CACNA1B: variants seen among roughly 807,000 people sequenced by gnomAD.
CACNA1B encodes the protein voltage-dependent N-type calcium channel subunit alpha-1B.
Under a neutral mutation model 247.2 loss-of-function variants are expected in CACNA1B, and 70 were observed. The ratio of observed to expected loss-of-function variants is 0.28; its 90% CI spans 0.23 to 0.35. The LOEUF is 0.35. Among genes scored for constraint, CACNA1B ranks in the 10% least tolerant of loss-of-function variants. CACNA1B has a pLI of 1.00. For synonymous variants in CACNA1B, 1,231 were observed against 1,294.4 expected (o/e 0.95, Z 1.05); for missense variants, 2,367 against 3,197.4 (o/e 0.74, Z 6.26).
In CACNA1B at chr9:137,883,053, A is replaced by G. The variant is rs564691239; in HGVS notation, c.530+170A>G. On this transcript the variant is annotated intron_variant, in intron 3 of 46. Coordinates refer to ENST00000371372, the MANE Select transcript of CACNA1B (RefSeq NM_000718.4). ...CAGTCTGTTTGCCACCCTGTGTGCTATGGGGGTGCTTCTCCCAGGGGTGCC... is the reference window on the plus strand; with the variant it reads ...CAGTCTGTTTGCCACCCTGTGTGCTGTGGGGGTGCTTCTCCCAGGGGTGCC... 10 of 700,096 alleles carry G rather than the reference A, an allele frequency of 1.4e-5. No homozygotes were observed. The African/African-American group carries it at 1.8e-4, about 12-fold the overall frequency. The allele number at this position is 700,096 out of a possible 1,614,324, so 43.4% of individuals were successfully genotyped here.
intron 36 of CACNA1B, among the ~76,000 whole-genome samples, chr9:138,092,275 G>A (rs190333219): frequency 2.6e-4 from 39 of 152,294 alleles, no homozygotes; most frequent in Non-Finnish European, 1.6e-4. Flanking sequence ...AGACCAGGGC[G>A]TATTTCATCC....
intron 12 of CACNA1B, among the ~76,000 whole-genome samples, chr9:137,979,337 G>A (rs557597889): frequency 4.6e-5 from 7 of 152,292 alleles, no homozygotes; most frequent in African/African-American, 1.2e-4. Context: ...TTGCTGGAAC[G>A]CCGAGTTCCT....
intron 6 of CACNA1B, among the ~76,000 whole-genome samples, chr9:137,943,232 A>T (rs1223261527): frequency 6.6e-6 from 1 of 151,964 alleles, no homozygotes; most frequent in Admixed American, 6.6e-5. Context: ...GAAATTATGG[A>T]CTCTTACGAG....
In CACNA1B at chr9:138,059,559, A is replaced by G. The variant is rs1437486543; in HGVS notation, c.4585-95A>G. The G allele has an allele frequency of 8.9e-6, 7 of 784,550 alleles. No homozygotes were observed. The highest frequency in any genetic ancestry group is 1.8e-5 in the Admixed American group (1 of 55,374). The allele number at this position is 784,550 out of a possible 1,614,324, so 48.6% of individuals were successfully genotyped here. ...CCTGTGCTCAGGGTCTATCACCCTC[A>G]CCGCTTTCTTAATCAGGGCCACCAC... On this transcript the variant is annotated intron_variant, in intron 30 of 46. Coordinates refer to ENST00000371372, the MANE Select transcript of CACNA1B (RefSeq NM_000718.4). The surrounding 1 kb of genome is among the most constrained non-coding windows in gnomAD (Gnocchi z 4.2).
intron 20 of CACNA1B, chr9:138,032,620 C>A: frequency 2.3e-6 from 1 of 444,404 alleles, no homozygotes; most frequent in Non-Finnish European, 4.5e-6. Context: ...ATTTTCCCTT[C>A]ATTCCTGAAG....
Position 137,952,640 on chromosome 9 carries a change from T to C in CACNA1B, c.1070+263T>C, listed in dbSNP as rs1010848354. Among the ~76,000 whole-genome samples, 2 of 151,996 alleles carry C rather than the reference T, an allele frequency of 1.3e-5. No homozygotes were observed. Among genetic ancestry groups the C allele is most frequent in the Admixed American group, 6.6e-5 (1 of 15,262 alleles). On this transcript the variant is annotated intron_variant, in intron 7 of 46. Coordinates refer to ENST00000371372, the MANE Select transcript of CACNA1B (RefSeq NM_000718.4). This position sits in a 1 kb window ranked among gnomAD's most constrained non-coding sequence, Gnocchi z 4.8. ...ATGGGAGAGTAGCTGCCACTACTCA[T>C]CTGGGTAGACAGGAGGTGTGGTCTG...
intron 6 of CACNA1B, among the ~76,000 whole-genome samples, chr9:137,940,754 G>A (rs1957724458): frequency 6.6e-6 from 1 of 152,146 alleles, no homozygotes; most frequent in Admixed American, 6.5e-5. Context: ...GATCAGGGAT[G>A]GTTTAACATA....
At chr9:137,966,436 C>T (rs1016165694) in intron 10 of CACNA1B, among the ~76,000 whole-genome samples, 1 of 151,738 alleles carries the variant, frequency 6.6e-6, no homozygotes, top group Non-Finnish European at 1.5e-5. Flanking sequence ...ACCGTGTTAG[C>T]CAGGATGGTC....
chr9:138,120,659 G>A lies in CACNA1B; in HGVS notation c.6267G>A (p.Leu2089=). 3 of 1,506,674 alleles carry A rather than the reference G, an allele frequency of 2.0e-6. No individual in the cohort carries two copies. The highest frequency in any genetic ancestry group is 2.6e-6 in the Non-Finnish European group (3 of 1,133,630). The allele number at this position is 1,506,674 out of a possible 1,614,324, so 93.3% of individuals were successfully genotyped here. A position where few individuals can be genotyped will look rare whatever the true frequency, so the allele number is the denominator to read the frequency against. Residue 2089 remains leucine, a synonymous_variant, in exon 46 of 47, where the codon CTG becomes CTA. Transcript: ENST00000371372. ...CAAGCAGTGCTGTGGGGCCGGGGCT[G>A]CCCCCGGGAGAGGGGCCTACAGGCT... ...GAPSSAVGPG[L]PPGEGPTGCR...
intron 21 of CACNA1B, among the ~76,000 whole-genome samples, chr9:138,044,675 C>T (rs907122023): frequency 6.6e-6 from 1 of 152,176 alleles, no homozygotes; most frequent in African/African-American, 2.4e-5. Flanking sequence ...AAGAGCTTGC[C>T]CGGCCAGAGC....
At chr9:137,912,003 C>T (rs565783091) in intron 3 of CACNA1B, among the ~76,000 whole-genome samples, 2 of 152,282 alleles carry the variant, frequency 1.3e-5, no homozygotes, top group East Asian at 3.9e-4. Flanking sequence ...GTTTCTTAGT[C>T]ACTGTGATGT....
intron 39 of CACNA1B, among the ~76,000 whole-genome samples, chr9:138,108,401 A>G (rs923759662): frequency 6.6e-6 from 1 of 152,074 alleles, no homozygotes; most frequent in Admixed American, 6.6e-5. Flanking sequence ...CAAGAAAGAC[A>G]ATCCCAGGTC....
rs1012464123 is a variant in CACNA1B at position 137,923,362 on chromosome 9, T to G, written c.966+5931T>G. On this transcript the variant is annotated intron_variant, in intron 6 of 46. Coordinates refer to ENST00000371372, the MANE Select transcript of CACNA1B (RefSeq NM_000718.4). ...GTGGTGCCAGGTAGTATTCCGTGGC[T>G]CCAGGTGGTATTCCGTGGCACCAGG... 9.7e-3 allele frequency among the ~76,000 whole-genome samples: 873 copies of G among 90,348 alleles called. 35 individuals are homozygous for G. The highest frequency in any genetic ancestry group is 0.037 in the African/African-American group (828 of 22,406). The allele number at this position is 90,348 out of a possible 152,430, so 59.3% of individuals were successfully genotyped here. A position where few individuals can be genotyped will look rare whatever the true frequency, so the allele number is the denominator to read the frequency against.
chr9:137,899,965 C>T lies in CACNA1B; in HGVS notation c.531-13215C>T, dbSNP rs183289867. Among the ~76,000 whole-genome samples, 283 of 152,238 alleles carry T rather than the reference C, an allele frequency of 1.9e-3. 1 individual carries two copies. Among genetic ancestry groups the T allele is most frequent in the Non-Finnish European group, 2.9e-3 (198 of 67,994 alleles). ...GGGACGGGGTACAGGGGCTGGCCAG[C>T]GTGGGCCAGATGCATGGGGACAAGG... On this transcript the variant is annotated intron_variant, in intron 3 of 46. Transcript: ENST00000371372. The surrounding 1 kb of genome is among the most constrained non-coding windows in gnomAD (Gnocchi z 5.0).
intron 10 of CACNA1B, among the ~76,000 whole-genome samples, chr9:137,967,811 C>T (rs78666149): frequency 0.02 from 3,089 of 152,286 alleles, 87 homozygotes; most frequent in African/African-American, 0.07. Flanking sequence ...CCCTCTGGCG[C>T]GGAGTGCTTC....
At chr9:138,049,563 C>G (rs975336905) in intron 24 of CACNA1B, among the ~76,000 whole-genome samples, 1 of 152,152 alleles carries the variant, frequency 6.6e-6, no homozygotes, top group Non-Finnish European at 1.5e-5. Flanking sequence ...GGGACCATCC[C>G]CGCCTGCCTG....
rs1217530713 is a variant in CACNA1B, at chr9:138,124,165, G to A, written c.*2166G>A. ...TGTGTCTTCTCCGGCTATCATATAT[G>A]TCCCCTGAATCTCATAGTGAGCTGC... On this transcript the variant is annotated 3_prime_UTR_variant, in exon 47 of 47. Transcript: ENST00000371372. 1.3e-5 allele frequency: 2 copies of A among 152,094 alleles called. No homozygotes were observed. Among genetic ancestry groups the A allele is most frequent in the Non-Finnish European group, 2.9e-5 (2 of 68,028 alleles). The allele number at this position is 152,094 out of a possible 1,614,324, so 9.4% of individuals were successfully genotyped here.
intron 15 of CACNA1B, among the ~76,000 whole-genome samples, chr9:137,991,076 C>T (rs2133388557): frequency 6.6e-6 from 1 of 152,230 alleles, no homozygotes; most frequent in South Asian, 2.1e-4. Flanking sequence ...GCAATGGATC[C>T]AAACCAAGAG....
In CACNA1B at chr9:137,891,904, T is replaced by G; in HGVS notation, c.530+9021T>G. On this transcript the variant is annotated intron_variant, in intron 3 of 46. Coordinates refer to ENST00000371372, the MANE Select transcript of CACNA1B (RefSeq NM_000718.4). This position sits in a 1 kb window ranked among gnomAD's most constrained non-coding sequence, Gnocchi z 4.3. ...GTCCCTGCCCTCTTCACGACCCTGC[T>G]GTGAGCTCCTTTCTCCAGGGCTGGG... 2.6e-6 allele frequency: 1 copy of G among 381,270 alleles called. No homozygotes were observed. The highest frequency in any genetic ancestry group is 5.2e-6 in the Non-Finnish European group (1 of 191,312). 23.6% of individuals were successfully genotyped at this position (381,270 alleles called of 1,614,324 possible).
Sources: gnomAD v4.1 joint callset for allele counts (sites outside exome capture counted in the v4.1 genomes callset) on GRCh38, gnomAD v4.1.1 for gene constraint, Gnocchi (gnomAD v3.1) non-coding constraint, MANE v1.5 for transcripts, NCBI Gene and HGNC (gene_info 2026-07-23, HGNC 2026-07-21) for gene names.